BRINP3: variants seen among roughly 807,000 people sequenced by gnomAD.
BRINP3 encodes BMP/retinoic acid-inducible neural-specific protein 3.
Under a neutral mutation model 71.0 loss-of-function variants are expected in BRINP3, and 19 were observed. That is an observed-to-expected ratio of 0.27 (90% CI 0.19 to 0.39). The LOEUF is 0.39. Ranked by LOEUF, BRINP3 falls within the 10% of genes least tolerant of loss-of-function variation. BRINP3 has a pLI of 1.00. For synonymous variants in BRINP3, 380 were observed against 337.7 expected (o/e 1.13, Z -1.37); for missense variants, 959 against 940.8 (o/e 1.02, Z -0.25).
intron 6 of BRINP3, among the ~76,000 whole-genome samples, chr1:190,200,607 G>C (rs537830192): frequency 6.6e-6 from 1 of 151,972 alleles, no homozygotes; most frequent in African/African-American, 2.4e-5. Flanking sequence ...TGTGATGATG[G>C]AAGATGATAG....
rs759445587 is a variant in BRINP3 at position 190,454,759 on chromosome 1, G to T, written c.132C>A (p.Phe44Leu). 2 of 1,614,012 alleles carry T rather than the reference G, an allele frequency of 1.2e-6. No individual in the cohort carries two copies. Among genetic ancestry groups the T allele is most frequent in the Non-Finnish European group, 8.5e-7 (1 of 1,180,034 alleles). Residue 44 changes from phenylalanine to leucine, a missense_variant, in exon 2 of 8, where the codon TTC becomes TTA. Phe to Leu is a conservative substitution (Grantham distance 22). Transcript: ENST00000367462. ...GTCCCTTATCAGAGAGGAGCCAGTC[G>T]AAGGGGCTTGTGGCATGCTGATCCG... is the stretch of plus-strand genomic sequence containing the variant. ...AVSDQHATSP[F>L]DWLLSDKGPF... is the part of the protein sequence containing the mutation.
At chr1:190,185,467 AG>A (rs1471348775) in intron 6 of BRINP3, among the ~76,000 whole-genome samples, 3 of 152,116 alleles carry the variant, frequency 2.0e-5, no homozygotes, top group Non-Finnish European at 4.4e-5. Context: ...AAGAACAAGA[AG>A]TCACAAACCC....
chr1:190,346,108 T>C (rs1668008178), intron 2 of BRINP3, among the ~76,000 whole-genome samples: 1 of 151,968 alleles, frequency 6.6e-6, no homozygotes, highest in South Asian at 2.1e-4. Context: ...TTTTAATATG[T>C]TTGCAAAGGC....
chr1:190,106,400 C>A (rs539828003), intron 7 of BRINP3, among the ~76,000 whole-genome samples: 1 of 151,634 alleles, frequency 6.6e-6, no homozygotes, highest in Non-Finnish European at 1.5e-5. Context: ...CTTTATTGCT[C>A]TTAAAATCTC....
At chr1:190,343,586 A>C (rs1415751060) in intron 2 of BRINP3, among the ~76,000 whole-genome samples, 1 of 151,722 alleles carries the variant, frequency 6.6e-6, no homozygotes, top group East Asian at 1.9e-4. Flanking sequence ...CTCAACAATC[A>C]TTTTTACTTT....
intron 2 of BRINP3, among the ~76,000 whole-genome samples, chr1:190,417,551 AAT>A (rs1358367580): frequency 6.6e-6 from 1 of 152,142 alleles, no homozygotes; most frequent in Admixed American, 6.6e-5. Context: ...CAAAAAATTA[AAT>A]ATGTCTTTGT....
intron 4 of BRINP3, among the ~76,000 whole-genome samples, chr1:190,235,437 T>C (rs1658420808): frequency 1.3e-5 from 2 of 152,074 alleles, no homozygotes; most frequent in South Asian, 4.1e-4. Flanking sequence ...ATAACCAGAC[T>C]GGTCTTTGCA....
chr1:190,235,744 C>A (rs2102745237), intron 4 of BRINP3, among the ~76,000 whole-genome samples: 1 of 152,126 alleles, frequency 6.6e-6, no homozygotes, highest in South Asian at 2.1e-4. Context: ...GCTCAAATTT[C>A]ATTCTCTTGG....
At position 190,453,201 on chromosome 1, in the gene BRINP3, G is replaced by GTTTTTTTTTTT. The variant is rs745819844; in HGVS notation, c.236+1453_236+1454insAAAAAAAAAAA. 9.5e-4 allele frequency among the ~76,000 whole-genome samples: 36 copies of GTTTTTTTTTTT among 37,848 alleles called. 2 individuals are homozygous for GTTTTTTTTTTT. The highest frequency in any genetic ancestry group is 1.9e-3 in the Non-Finnish European group (31 of 16,430). The allele number at this position is 37,848 out of a possible 152,430, so 24.8% of individuals were successfully genotyped here. A position where few individuals can be genotyped will look rare whatever the true frequency, so the allele number is the denominator to read the frequency against. ...CTACTTTTCAGAAAGAAAAACTTTA[G>GTTTTTTTTTTT]TATTTTTTTTTTTTTTTTTTTTTTT... On this transcript the variant is annotated intron_variant, in intron 2 of 7. Coordinates refer to ENST00000367462, the MANE Select transcript of BRINP3 (RefSeq NM_199051.3).
chr1:190,457,251 G>C (rs900956271), intron 1 of BRINP3, among the ~76,000 whole-genome samples: 17 of 152,074 alleles, frequency 1.1e-4, no homozygotes, highest in African/African-American at 3.9e-4. Flanking sequence ...AGACCAGCCT[G>C]GACAACATGG....
intron 2 of BRINP3, among the ~76,000 whole-genome samples, chr1:190,441,951 T>C (rs1012902739): frequency 1.3e-5 from 2 of 152,130 alleles, no homozygotes; most frequent in Non-Finnish European, 2.9e-5. Context: ...AGTTATGCTA[T>C]AAATGGGAAT....
chr1:190,160,336 G>T (rs1657237867), intron 7 of BRINP3, among the ~76,000 whole-genome samples: 1 of 151,796 alleles, frequency 6.6e-6, no homozygotes, highest in Admixed American at 6.6e-5. Flanking sequence ...TGTTTCCTAG[G>T]CTCACAATGT....
intron 2 of BRINP3, among the ~76,000 whole-genome samples, chr1:190,346,547 T>G (rs1046141350): frequency 6.6e-6 from 1 of 152,168 alleles, no homozygotes; most frequent in African/African-American, 2.4e-5. Context: ...CCAAAGGATG[T>G]GCATTTCTTG....
At chr1:190,155,425 T>C (rs1193092023) in intron 7 of BRINP3, among the ~76,000 whole-genome samples, 1 of 152,120 alleles carries the variant, frequency 6.6e-6, no homozygotes, top group Non-Finnish European at 1.5e-5. Context: ...TGAACAAAAA[T>C]TGTTAAATAT....
intron 2 of BRINP3, among the ~76,000 whole-genome samples, chr1:190,350,275 G>T (rs1222796903): frequency 3.3e-5 from 5 of 152,014 alleles, no homozygotes; most frequent in Non-Finnish European, 7.4e-5. Flanking sequence ...GAGGTAACAG[G>T]TCCAGAAAAA....
chr1:190,212,892 A>T (rs1270731290), intron 6 of BRINP3, among the ~76,000 whole-genome samples: 2 of 152,060 alleles, frequency 1.3e-5, no homozygotes, highest in Non-Finnish European at 2.9e-5. Context: ...ACATTTGATT[A>T]TATTATTTTA....
chr1:190,324,032 A>G (rs115253970), intron 2 of BRINP3, among the ~76,000 whole-genome samples: 2 of 151,962 alleles, frequency 1.3e-5, no homozygotes, highest in African/African-American at 4.8e-5. Context: ...GTCCATTTAC[A>G]GGGTAAGAAC....
chr1:190,206,988 G>GT (rs1318635618), intron 6 of BRINP3, among the ~76,000 whole-genome samples: 12 of 141,978 alleles, frequency 8.5e-5, no homozygotes, highest in South Asian at 4.7e-4. Context: ...GTTTTGTTTT[G>GT]TTTTTTTGTT....
chr1:190,469,870 A>G (rs1312753492), intron 1 of BRINP3, among the ~76,000 whole-genome samples: 2 of 151,120 alleles, frequency 1.3e-5, no homozygotes, highest in Non-Finnish European at 3.0e-5. Flanking sequence ...TGTGCTTTTT[A>G]ATATGATATT....
Sources: allele counts gnomAD v4.1 joint callset (sites outside exome capture counted in the v4.1 genomes callset), GRCh38; gene constraint gnomAD v4.1.1; transcripts MANE v1.5; gene names NCBI Gene and HGNC (gene_info 2026-07-23, HGNC 2026-07-21).